The following BRINP2 variants were observed in gnomAD, a reference collection of about 807,000 sequenced individuals.
The protein encoded by BRINP2 is BMP/retinoic acid-inducible neural-specific protein 2.
Under a neutral mutation model 69.2 loss-of-function variants are expected in BRINP2, and 21 were observed. That is an observed-to-expected ratio of 0.30 (90% CI 0.22 to 0.44). The LOEUF (loss-of-function observed/expected upper bound fraction) is 0.44. Ranked by LOEUF, BRINP2 falls within the 20% of genes least tolerant of loss-of-function variation. The pLI, the probability that BRINP2 is intolerant of heterozygous loss-of-function variation, is 1.00. For missense variants in BRINP2, 877 were observed against 986.0 expected, an observed-to-expected ratio of 0.89 and a Z score of 1.48; for synonymous variants, 380 against 394.1, an observed-to-expected ratio of 0.96 and a Z score of 0.42.
intron 1 of BRINP2, among the ~76,000 whole-genome samples, chr1:177,224,939 C>A (rs540342992): frequency 6.6e-6 from 1 of 152,294 alleles, no homozygotes; most frequent in Admixed American, 6.5e-5. Flanking sequence ...CAAGATATAA[C>A]CCCTCCTTGG....
chr1:177,281,806 A>C lies in BRINP2; in HGVS notation c.*278A>C. 6.7e-6 allele frequency: 2 copies of C among 299,074 alleles called. No individual in the cohort carries two copies. The highest frequency in any genetic ancestry group is 6.1e-6 in the Non-Finnish European group (1 of 163,134). 18.5% of individuals were successfully genotyped at this position (299,074 alleles called of 1,614,324 possible). A position where few individuals can be genotyped will look rare whatever the true frequency, so the allele number is the denominator to read the frequency against. ...AGTTGATTGGTGCTTTCTAAAATGA[A>C]TGCAATTGAAAGAAAGGAGCCAAGG... is the stretch of plus-strand genomic sequence containing the variant. On this transcript the variant is annotated 3_prime_UTR_variant, in exon 8 of 8. Transcript: ENST00000361539.
intron 4 of BRINP2, among the ~76,000 whole-genome samples, chr1:177,267,524 C>G (rs1160152629): frequency 6.6e-6 from 1 of 152,192 alleles, no homozygotes; most frequent in East Asian, 1.9e-4. Flanking sequence ...TTGTTCATCG[C>G]CATGTCCTCG....
intron 2 of BRINP2, among the ~76,000 whole-genome samples, chr1:177,251,028 A>G (rs1457073070): frequency 2.0e-5 from 3 of 152,210 alleles, no homozygotes; most frequent in Non-Finnish European, 4.4e-5. Context: ...ATTAAATGTT[A>G]GCCATTATTT....
intron 2 of BRINP2, among the ~76,000 whole-genome samples, chr1:177,249,783 T>G (rs1167463579): frequency 6.6e-6 from 1 of 152,208 alleles, no homozygotes; most frequent in Non-Finnish European, 1.5e-5. Flanking sequence ...TGCCTTCCAG[T>G]ATTGCCTCTG....
intron 1 of BRINP2, among the ~76,000 whole-genome samples, chr1:177,184,044 A>G (rs1206323617): frequency 6.6e-6 from 1 of 152,198 alleles, no homozygotes; most frequent in Non-Finnish European, 1.5e-5. Context: ...CACATCGACC[A>G]GATACCCAGC....
chr1:177,281,400 T>C lies in BRINP2; in HGVS notation c.2224T>C (p.Ser742Pro). The stretch of plus-strand genomic sequence containing the variant: ...TGGCAAAGTCCGACTTGACCTTTTC[T>C]CCTGCTTGCTCCGGCATCGGCTTAA... ...PPGKVRLDLF[S>P]CLLRHRLKLA... is the part of the protein sequence containing the mutation. Residue 742 changes from serine (S) to proline (P), a missense_variant, in exon 8 of 8, where the codon TCC (serine) becomes CCC (proline). Physicochemically the swap from Ser to Pro is moderately conservative, Grantham distance 74 (BLOSUM62 -1). Transcript: ENST00000361539. 6.2e-7 allele frequency: 1 copy of C among 1,614,110 alleles called. No homozygotes were observed.
At chr1:177,172,449 G>A (rs1034138494) in intron 1 of BRINP2, among the ~76,000 whole-genome samples, 1 of 152,186 alleles carries the variant, frequency 6.6e-6, no homozygotes, top group Non-Finnish European at 1.5e-5. Flanking sequence ...CCTGTGGTGT[G>A]TGTATGTATG....
At chr1:177,204,309 G>C (rs1373673486) in intron 1 of BRINP2, among the ~76,000 whole-genome samples, 1 of 152,114 alleles carries the variant, frequency 6.6e-6, no homozygotes, top group Non-Finnish European at 1.5e-5. Context: ...GTGGAGGTGT[G>C]AATCTCATAT....
chr1:177,229,715 A>C, intron 1 of BRINP2, 86 bp from the exon 2 acceptor site: 1 of 946,862 alleles, frequency 1.1e-6, no homozygotes, highest in Non-Finnish European at 1.5e-6. Flanking sequence ...GATTTCCGGA[A>C]TGGGCCCAAC....
At chr1:177,212,829 T>C (rs1649266995) in intron 1 of BRINP2, among the ~76,000 whole-genome samples, 1 of 152,194 alleles carries the variant, frequency 6.6e-6, no homozygotes, top group Non-Finnish European at 1.5e-5. Flanking sequence ...TCTATAATCA[T>C]CCATTTCTCC....
At chr1:177,250,337 G>A (rs1408382543) in intron 2 of BRINP2, among the ~76,000 whole-genome samples, 1 of 151,674 alleles carries the variant, frequency 6.6e-6, no homozygotes, top group Non-Finnish European at 1.5e-5. Flanking sequence ...TTGTTTGTTT[G>A]TTTGTTTGAG....
chr1:177,232,595 T>G (rs1022739701), intron 2 of BRINP2, among the ~76,000 whole-genome samples: 15 of 152,182 alleles, frequency 9.9e-5, no homozygotes, highest in African/African-American at 3.4e-4. Context: ...CATGCGCACT[T>G]GTAGGGCTCT....
chr1:177,190,077 A>G (rs894361630), intron 1 of BRINP2, among the ~76,000 whole-genome samples: 3 of 152,100 alleles, frequency 2.0e-5, no homozygotes, highest in Admixed American at 6.6e-5. Context: ...ATAAAATTCA[A>G]GCTTCCTCAG....
At chr1:177,236,174 C>T (rs1650016274) in intron 2 of BRINP2, among the ~76,000 whole-genome samples, 1 of 152,210 alleles carries the variant, frequency 6.6e-6, no homozygotes, top group Non-Finnish European at 1.5e-5. Flanking sequence ...CCTAAACACA[C>T]AGGTCCTGTA....
chr1:177,259,067 G>A (rs11580477), intron 4 of BRINP2, among the ~76,000 whole-genome samples: 1 of 152,196 alleles, frequency 6.6e-6, no homozygotes, highest in Admixed American at 6.5e-5. Context: ...CCAAAACCTA[G>A]GCCGCTTGCA....
intron 4 of BRINP2, among the ~76,000 whole-genome samples, chr1:177,268,475 T>C (rs953981922): frequency 6.6e-6 from 1 of 152,216 alleles, no homozygotes; most frequent in African/African-American, 2.4e-5. Context: ...TATCTGCCTG[T>C]TTCTTGTTCC....
chr1:177,215,138 A>G lies in BRINP2; in HGVS notation c.-76-14663A>G, dbSNP rs138346091. On this transcript the variant is annotated intron_variant, in intron 1 of 7. Coordinates refer to ENST00000361539, the MANE Select transcript of BRINP2 (RefSeq NM_021165.4). ...TTCAATTGTTTTAGATTCCATAGTTAGTTGAGAATATGCAGTATTTGTCTT... is the reference window on the plus strand; with the variant it reads ...TTCAATTGTTTTAGATTCCATAGTTGGTTGAGAATATGCAGTATTTGTCTT... 6.3e-4 allele frequency among the ~76,000 whole-genome samples: 96 copies of G among 152,336 alleles called. 1 individual carries two copies. In the East Asian group the frequency reaches 0.016, roughly 26 times the overall value.
In BRINP2 at chr1:177,210,722, T is replaced by A. The variant is rs952695779; in HGVS notation, c.-76-19079T>A. 1.2e-4 allele frequency among the ~76,000 whole-genome samples: 18 copies of A among 152,068 alleles called. No individual in the cohort carries two copies. In the East Asian group the frequency reaches 2.9e-3, roughly 25 times the overall value. On this transcript the variant is annotated intron_variant, in intron 1 of 7. Coordinates refer to ENST00000361539, the MANE Select transcript of BRINP2 (RefSeq NM_021165.4). ...GGAGTAACTCATATAGGTGAATCTA[T>A]TTTTTAACTATAAATTATTTGACAT...
chr1:177,224,272 G>A (rs10913300), intron 1 of BRINP2, among the ~76,000 whole-genome samples: 65,463 of 151,966 alleles, frequency 0.43, 14,508 homozygotes, highest in East Asian at 0.62. Flanking sequence ...CACTTATATG[G>A]CTTGAAAACT....
Sources: allele counts gnomAD v4.1 joint callset (sites outside exome capture counted in the v4.1 genomes callset), GRCh38; gene constraint gnomAD v4.1.1; transcripts MANE v1.5; gene names NCBI Gene and HGNC (gene_info 2026-07-23, HGNC 2026-07-21).